SETD3: variants seen among roughly 807,000 people sequenced by gnomAD.
SETD3 encodes the protein SET domain containing 3, actin N3(tau)-histidine methyltransferase.
In SETD3, 19 loss-of-function variants were observed where a neutral mutation model predicts 63.0. That is an observed-to-expected ratio of 0.30 (90% confidence interval 0.21 to 0.44). The LOEUF (loss-of-function observed/expected upper bound fraction) is 0.44, where lower values mean the gene tolerates loss of function less well. SETD3 is among the 20% of genes least tolerant of loss of function. The pLI is 1.00. For synonymous variants in SETD3, 286 were observed against 264.1 expected (o/e 1.08, Z -0.80); for missense variants, 587 against 728.5 (o/e 0.81, Z 2.24).
At chr14:99,418,135 T>C (rs1198344224) in intron 6 of SETD3, among the ~76,000 whole-genome samples, 1 of 152,210 alleles carries the variant, frequency 6.6e-6, no homozygotes, top group Non-Finnish European at 1.5e-5. Flanking sequence ...CATCCTGCCA[T>C]AATGCAAAAT....
rs996828768 is a variant in SETD3 at position 99,477,187 on chromosome 14, G to GA, written c.-9+3540dup. Among the ~76,000 whole-genome samples the GA allele has an allele frequency of 1.6e-3, 242 of 148,908 alleles. 2 individuals are homozygous for GA. Among genetic ancestry groups the GA allele is most frequent in the African/African-American group, 5.2e-3 (211 of 40,738 alleles). ...TCTACTTGGAAAGTACTTGATAGAA[G>GA]AAAAAAAAAATTGCAAAGTCTTAAC... On this transcript the variant is annotated intron_variant, in intron 1 of 12. Coordinates refer to ENST00000331768, the MANE Select transcript of SETD3 (RefSeq NM_032233.3).
chr14:99,441,034 C>T (rs1385406514), intron 6 of SETD3, among the ~76,000 whole-genome samples: 3 of 152,184 alleles, frequency 2.0e-5, no homozygotes, highest in African/African-American at 4.8e-5. Context: ...GTCACACCCT[C>T]GACAATCCTC....
intron 5 of SETD3, 129 bp from the exon 6 acceptor site, chr14:99,458,664 G>T: frequency 8.5e-7 from 1 of 1,178,224 alleles, no homozygotes; most frequent in Non-Finnish European, 1.2e-6. Flanking sequence ...CAGGCTGGGC[G>T]CAGTGGCTCA....
At chr14:99,474,953 ATAG>A (rs1485165746) in intron 1 of SETD3, among the ~76,000 whole-genome samples, 2 of 152,106 alleles carry the variant, frequency 1.3e-5, no homozygotes, top group African/African-American at 2.4e-5. Context: ...TTTTCATTAC[ATAG>A]TAGGTTTTAG....
At position 99,400,192 on chromosome 14, in the gene SETD3, T is replaced by C; in HGVS notation, c.1245A>G (p.Glu415=). Residue 415 remains glutamate (E), a synonymous_variant, in exon 12 of 13, where the codon GAA becomes GAG. Coordinates refer to ENST00000331768, the MANE Select transcript of SETD3 (RefSeq NM_032233.3). ...IDRIFTLGNS[E]FPVSWDNEVK... ...CCTCGTTGTCCCAGCTAACAGGAAA[T>C]TCCGAGTTCCCCAAGGTGAAGATTC... 1 of 1,614,170 alleles carries C rather than the reference T, an allele frequency of 6.2e-7. No individual in the cohort carries two copies. Among genetic ancestry groups the C allele is most frequent in the Middle Eastern group, 1.6e-4 (1 of 6,062 alleles).
At chr14:99,420,018 T>C (rs565520938) in intron 6 of SETD3, among the ~76,000 whole-genome samples, 1 of 152,282 alleles carries the variant, frequency 6.6e-6, no homozygotes, top group East Asian at 1.9e-4. Flanking sequence ...ATCACTGATA[T>C]CATTAGGGGG....
chr14:99,442,298 G>A (rs1595213208), intron 6 of SETD3, among the ~76,000 whole-genome samples: 1 of 152,262 alleles, frequency 6.6e-6, no homozygotes, highest in East Asian at 1.9e-4. Flanking sequence ...TGCTGTTTTG[G>A]CTACTGAGTG....
intron 1 of SETD3, among the ~76,000 whole-genome samples, chr14:99,476,195 A>C (rs1347822728): frequency 6.6e-6 from 1 of 152,238 alleles, no homozygotes; most frequent in African/African-American, 2.4e-5. Flanking sequence ...TGATAGACTC[A>C]GTTTGTGTCA....
At position 99,459,199 on chromosome 14, in the gene SETD3, T is replaced by A; in HGVS notation, c.346-14A>T. On this transcript the variant is annotated splice_polypyrimidine_tract_variant and intron_variant, in intron 4 of 12. Coordinates refer to ENST00000331768, the MANE Select transcript of SETD3 (RefSeq NM_032233.3). ...CAATTCTTCTGCCTAGGGAAAAAAA[T>A]AATAATAGGAGAATCATCAAAACAC... is the stretch of plus-strand genomic sequence containing the variant. 3.8e-6 allele frequency: 6 copies of A among 1,582,558 alleles called. No individual in the cohort carries two copies. Among genetic ancestry groups the A allele is most frequent in the Non-Finnish European group, 5.2e-6 (6 of 1,154,798 alleles).
rs1475846884 is a variant in SETD3 at position 99,480,835 on chromosome 14, G to C, written c.-116C>G. 6.2e-6 allele frequency: 1 copy of C among 161,716 alleles called. No individual in the cohort carries two copies. Among genetic ancestry groups the C allele is most frequent in the Non-Finnish European group, 1.3e-5 (1 of 76,528 alleles). The allele number at this position is 161,716 out of a possible 1,614,324, so 10.0% of individuals were successfully genotyped here. Reference sequence around the variant, plus strand: ...GCGGCGGTGGCGGCGGCGGCGGCCGGACGGGAGGGGCGGGACGGCAGCCTG... The same window carrying C: ...GCGGCGGTGGCGGCGGCGGCGGCCGCACGGGAGGGGCGGGACGGCAGCCTG... On this transcript the variant is annotated 5_prime_UTR_variant, in exon 1 of 13. Transcript: ENST00000331768.
chr14:99,463,347 C>T (rs530661464), intron 3 of SETD3, 139 bp downstream of exon 3: 4 of 614,222 alleles, frequency 6.5e-6, no homozygotes, highest in African/African-American at 1.8e-5. Flanking sequence ...TGCTCTCTCT[C>T]CCGGTCTGCA....
chr14:99,419,288 T>C (rs1336255193), intron 6 of SETD3, among the ~76,000 whole-genome samples: 1 of 152,194 alleles, frequency 6.6e-6, no homozygotes, highest in Non-Finnish European at 1.5e-5. Flanking sequence ...CTATGACAAA[T>C]GTGTATCACC....
intron 10 of SETD3, among the ~76,000 whole-genome samples, chr14:99,404,684 A>AT (rs1478391169): frequency 6.6e-6 from 1 of 152,258 alleles, no homozygotes; most frequent in African/African-American, 2.4e-5. Context: ...GACAAGTTCA[A>AT]TAAAAAAAAG....
At chr14:99,452,793 G>A (rs1244093233) in intron 6 of SETD3, among the ~76,000 whole-genome samples, 1 of 152,246 alleles carries the variant, frequency 6.6e-6, no homozygotes, top group Non-Finnish European at 1.5e-5. Flanking sequence ...AAAGTACCCA[G>A]AGACAGGGGC....
At chr14:99,465,594 T>C (rs763543258) in intron 2 of SETD3, 109 bp downstream of exon 2, 3 of 837,688 alleles carry the variant, frequency 3.6e-6, no homozygotes, top group Admixed American at 2.3e-5. Context: ...GCTAATAAGC[T>C]TGGACCTGAA....
Position 99,405,497 on chromosome 14 carries a change from C to T in SETD3, c.925-126G>A, listed in dbSNP as rs1393967558. 5 of 1,047,760 alleles carry T rather than the reference C, an allele frequency of 4.8e-6. No individual in the cohort carries two copies. The African/African-American group carries it at 4.8e-5, about 10-fold the overall frequency. 64.9% of individuals were successfully genotyped at this position (1,047,760 alleles called of 1,614,324 possible). A position where few individuals can be genotyped will look rare whatever the true frequency, so the allele number is the denominator to read the frequency against. ...CACTAAATAGCTGAAAGTATTGATA[C>T]ACCTGTTTGGTATAGGTTGCAAGGG... On this transcript the variant is annotated intron_variant, in intron 9 of 12. Transcript: ENST00000331768.
intron 6 of SETD3, among the ~76,000 whole-genome samples, chr14:99,441,021 G>T (rs1378011041): frequency 6.6e-6 from 1 of 152,182 alleles, no homozygotes; most frequent in Non-Finnish European, 1.5e-5. Flanking sequence ...GTGACAGTAC[G>T]CTGTCACACC....
chr14:99,437,682 CGTGT>C (rs150123655), intron 6 of SETD3, among the ~76,000 whole-genome samples: 8 of 151,470 alleles, frequency 5.3e-5, no homozygotes, highest in South Asian at 2.1e-4. Flanking sequence ...TACGTGTATA[CGTGT>C]GTGTGTGTGT....
At chr14:99,403,256 G>A (rs886962843) in intron 11 of SETD3, among the ~76,000 whole-genome samples, 2 of 152,090 alleles carry the variant, frequency 1.3e-5, no homozygotes, top group Non-Finnish European at 2.9e-5. Context: ...AGTGACCGCC[G>A]AGCACAGCAG....
Sources: allele counts gnomAD v4.1 joint callset (sites outside exome capture counted in the v4.1 genomes callset), GRCh38; gene constraint gnomAD v4.1.1; transcripts MANE v1.5; gene names NCBI Gene and HGNC (gene_info 2026-07-23, HGNC 2026-07-21).